RSF1: variants seen among roughly 807,000 people sequenced by gnomAD.
RSF1 encodes HBV pX-associated protein 8.
A neutral mutation model predicts 145.2 loss-of-function variants in RSF1; 13 were observed. That is an observed-to-expected ratio of 0.09 (90% CI 0.06 to 0.14). The LOEUF (loss-of-function observed/expected upper bound fraction) is 0.14, where lower values mean the gene tolerates loss of function less well. Ranked by LOEUF, RSF1 falls within the 10% of genes least tolerant of loss-of-function variation. The pLI is 1.00. For synonymous variants in RSF1, 577 were observed against 592.6 expected (o/e 0.97, Z 0.38); for missense variants, 1,517 against 1,718.2 (o/e 0.88, Z 2.07).
intron 1 of RSF1, chr11:77,813,173 T>G: frequency 2.6e-6 from 1 of 381,200 alleles, no homozygotes; most frequent in Non-Finnish European, 4.8e-6. Flanking sequence ...AGAAACCAAA[T>G]TTATTTGATA....
rs183891089 is a variant in RSF1, at chr11:77,712,805, T to C, written c.734-10310A>G. ...CATAAGTCTGAACTCATAGATATTA[T>C]TCTATGGATTAAAATCTATCTTTAT... On this transcript the variant is annotated intron_variant, in intron 5 of 15. Transcript: ENST00000308488. Among the ~76,000 whole-genome samples, 671 of 152,350 alleles carry C rather than the reference T, an allele frequency of 4.4e-3. 1 individual carries two copies. Among genetic ancestry groups the C allele is most frequent in the Non-Finnish European group, 6.8e-3 (464 of 68,038 alleles).
chr11:77,668,685 C>G (rs967832578), intron 15 of RSF1, among the ~76,000 whole-genome samples: 3 of 152,158 alleles, frequency 2.0e-5, no homozygotes, highest in Admixed American at 2.0e-4. Flanking sequence ...AACATTTACA[C>G]TGTATCAGGT....
At position 77,672,053 on chromosome 11, in the gene RSF1, G is replaced by A; in HGVS notation, c.3740C>T (p.Ser1247Leu). The change falls in exon 15 of 16, where the codon TCA (serine) becomes TTA (leucine). Residue 1247 changes from serine to leucine, a missense_variant. By Grantham distance (145) the Ser-to-Leu change is moderately radical. This residue lies in a region of RSF1 where 240 missense variants were observed against 231.8 expected (regional missense o/e 1.04). Coordinates refer to ENST00000308488, the MANE Select transcript of RSF1 (RefSeq NM_016578.4). ...GACCTATGCCTTACCTTCACTCTCT[G>A]AGCTGGAAAGTCTTCGCTTGTGTAC... is the stretch of plus-strand genomic sequence containing the variant. ...RRVHKRRLSS[S>L]ESEESYLSKN... 4 of 1,610,736 alleles carry A rather than the reference G, an allele frequency of 2.5e-6. No homozygotes were observed. Among genetic ancestry groups the A allele is most frequent in the Non-Finnish European group, 3.4e-6 (4 of 1,179,244 alleles).
At chr11:77,833,776 C>T in the RSF1 span, among the ~76,000 whole-genome samples, 1 of 152,206 alleles carries the variant, frequency 6.6e-6, no homozygotes, top group Non-Finnish European at 1.5e-5. Context: ...TTTTGTATTA[C>T]AGTTAATCGT....
the RSF1 span, chr11:77,831,888 T>C: frequency 6.6e-6 from 1 of 150,964 alleles, no homozygotes; most frequent in African/African-American, 2.6e-5. Context: ...TTTTTTTTTT[T>C]TAGTAGAGAT....
At chr11:77,813,573 A>G in intron 1 of RSF1, 1 of 677,768 alleles carries the variant, frequency 1.5e-6, no homozygotes, top group Non-Finnish European at 2.7e-6. Flanking sequence ...GTCAGCACAC[A>G]CCTTTTCCAG....
At chr11:77,685,258 G>A (rs966536891) in intron 9 of RSF1, 99 bp from the exon 10 acceptor site, 5 of 606,472 alleles carry the variant, frequency 8.2e-6, no homozygotes, top group African/African-American at 5.8e-5. Flanking sequence ...ACAATTTCAC[G>A]TTAACAGCAG....
chr11:77,698,240 G>A (rs1411284063), intron 7 of RSF1, among the ~76,000 whole-genome samples: 1 of 152,206 alleles, frequency 6.6e-6, no homozygotes, highest in East Asian at 1.9e-4. Flanking sequence ...TCTGTGAGAA[G>A]AGATTGAGGT....
intron 1 of RSF1, among the ~76,000 whole-genome samples, chr11:77,810,178 G>A (rs1261179813): frequency 6.6e-6 from 1 of 152,036 alleles, no homozygotes; most frequent in African/African-American, 2.4e-5. Flanking sequence ...TGAGTACACG[G>A]CATCACCATT....
the RSF1 span, among the ~76,000 whole-genome samples, chr11:77,845,398 T>C: frequency 6.6e-6 from 1 of 152,216 alleles, no homozygotes; most frequent in Non-Finnish European, 1.5e-5. Flanking sequence ...TTTCCATCAT[T>C]GTACTTTCCA....
At chr11:77,738,449 T>C (rs1961420952) in intron 4 of RSF1, among the ~76,000 whole-genome samples, 1 of 152,190 alleles carries the variant, frequency 6.6e-6, no homozygotes. Context: ...ATTATAAGTA[T>C]ATGGGAGGAC....
chr11:77,662,006 C>T lies in RSF1; in HGVS notation c.*4911G>A, dbSNP rs909245507. 6.6e-6 allele frequency: 1 copy of T among 152,186 alleles called. No individual in the cohort carries two copies. Among genetic ancestry groups the T allele is most frequent in the Non-Finnish European group, 1.5e-5 (1 of 67,980 alleles). The allele number at this position is 152,186 out of a possible 1,614,324, so 9.4% of individuals were successfully genotyped here. A position where few individuals can be genotyped will look rare whatever the true frequency, so the allele number is the denominator to read the frequency against. ...GATTAACAATTCCATTCTTAACTTA[C>T]ATCATCCAGTGGCAAAAAGCACGAG... is the stretch of plus-strand genomic sequence containing the variant. On this transcript the variant is annotated 3_prime_UTR_variant, in exon 16 of 16. Transcript: ENST00000308488.
At chr11:77,692,765 T>C (rs1386530261) in intron 8 of RSF1, among the ~76,000 whole-genome samples, 1 of 149,750 alleles carries the variant, frequency 6.7e-6, no homozygotes, top group African/African-American at 2.5e-5. Flanking sequence ...GCAACCTCTG[T>C]CTCCCGGGTT....
At chr11:77,869,310 TTC>T in the RSF1 span, 24 of 130,500 alleles carry the variant, frequency 1.8e-4, no homozygotes, top group Middle Eastern at 3.3e-3. Context: ...TTATCTCTTT[TTC>T]TTTTTTTTTT....
the RSF1 span, chr11:77,869,316 T>TC: frequency 1.6e-4 from 25 of 161,132 alleles, no homozygotes; most frequent in Non-Finnish European, 2.8e-4. Context: ...CTTTTTCTTT[T>TC]TTTTTTTTTT....
intron 2 of RSF1, among the ~76,000 whole-genome samples, chr11:77,753,926 C>T (rs1948089905): frequency 6.6e-6 from 1 of 152,168 alleles, no homozygotes; most frequent in African/African-American, 2.4e-5. Flanking sequence ...TCTCTTGCAC[C>T]CCCAACCAAT....
chr11:77,736,799 T>C (rs1253288042), intron 4 of RSF1, among the ~76,000 whole-genome samples: 2 of 152,198 alleles, frequency 1.3e-5, no homozygotes, highest in Non-Finnish European at 2.9e-5. Context: ...GTTGAGGCCT[T>C]TCACAGGTGC....
intron 3 of RSF1, among the ~76,000 whole-genome samples, chr11:77,745,453 T>C (rs1028873077): frequency 6.6e-6 from 1 of 152,144 alleles, no homozygotes; most frequent in Non-Finnish European, 1.5e-5. Context: ...TTGTAAGTTC[T>C]GGCATGTTGA....
chr11:77,760,348 A>G (rs1948158909), intron 2 of RSF1, among the ~76,000 whole-genome samples: 1 of 152,260 alleles, frequency 6.6e-6, no homozygotes, highest in Admixed American at 6.5e-5. Flanking sequence ...ATATTTTATG[A>G]TTCCATTTAT....
Sources: allele counts gnomAD v4.1 joint callset (sites outside exome capture counted in the v4.1 genomes callset), GRCh38; gene constraint gnomAD v4.1.1; regional missense constraint gnomAD v4.1.1; transcripts MANE v1.5; gene names NCBI Gene and HGNC (gene_info 2026-07-23, HGNC 2026-07-21).